The following CCBE1 variants were observed in gnomAD, a reference collection of about 807,000 sequenced individuals.
The protein encoded by CCBE1 is collagen and calcium binding EGF domains 1.
CCBE1 carries 37 observed loss-of-function variants against 50.0 expected under a neutral mutation model. The observed-to-expected ratio is 0.74, with a 90% CI of 0.57 to 0.97. The LOEUF (loss-of-function observed/expected upper bound fraction) is 0.97. CCBE1 is among the 50% of genes least tolerant of loss of function. The pLI, the probability that CCBE1 is intolerant of heterozygous loss-of-function variation, is 0.00. For missense variants in CCBE1, 538 were observed against 523.8 expected, an observed-to-expected ratio of 1.03 and a Z score of -0.26; for synonymous variants, 234 against 203.7, an observed-to-expected ratio of 1.15 and a Z score of -1.27.
At chr18:59,495,790 G>C (rs1461855482) in intron 2 of CCBE1, among the ~76,000 whole-genome samples, 1 of 152,096 alleles carries the variant, frequency 6.6e-6, no homozygotes, top group Non-Finnish European at 1.5e-5. Flanking sequence ...GATGTACGAG[G>C]GGGCACTGCG....
At chr18:59,490,798 T>C (rs140207998) in intron 2 of CCBE1, among the ~76,000 whole-genome samples, 42 of 152,354 alleles carry the variant, frequency 2.8e-4, no homozygotes, top group African/African-American at 9.9e-4. Flanking sequence ...ATTTTACTTT[T>C]TTCACCTAAA....
chr18:59,566,706 T>C (rs939001436), intron 2 of CCBE1, among the ~76,000 whole-genome samples: 4 of 152,188 alleles, frequency 2.6e-5, no homozygotes, highest in Admixed American at 2.6e-4. Context: ...AATCCTCCTA[T>C]TAAGAAATAC....
In CCBE1 at chr18:59,542,916, C is replaced by G. The variant is rs538574666; in HGVS notation, c.213-62678G>C. On this transcript the variant is annotated intron_variant, in intron 2 of 10. Coordinates refer to ENST00000439986, the MANE Select transcript of CCBE1 (RefSeq NM_133459.4). ...GCTTCCCCCATGACTACTGAACTCT[C>G]GAACCCCACTAGGGATGAAGGCTGA... is the stretch of plus-strand genomic sequence containing the variant. 7.2e-5 allele frequency among the ~76,000 whole-genome samples: 11 copies of G among 152,318 alleles called. No homozygotes were observed. In the South Asian group the frequency reaches 2.3e-3, roughly 32 times the overall value.
intron 5 of CCBE1, among the ~76,000 whole-genome samples, chr18:59,459,849 AT>A (rs1378122022): frequency 6.6e-6 from 1 of 152,208 alleles, no homozygotes; most frequent in Non-Finnish European, 1.5e-5. Flanking sequence ...CAGTATCAGC[AT>A]TTTTAAAAAA....
At chr18:59,481,293 G>GA (rs1002458720) in intron 2 of CCBE1, among the ~76,000 whole-genome samples, 8 of 151,142 alleles carry the variant, frequency 5.3e-5, no homozygotes, top group African/African-American at 2.0e-4. Flanking sequence ...GAAGGAAAGA[G>GA]AAAAAAAGAC....
rs186732478 is a variant in CCBE1 at position 59,434,458 on chromosome 18, A to C, written c.*1450T>G. ...ATTGGAAACAAGAGGGCCCTCAACA[A>C]CGTTACAAAGGAGCAGATCATCCTT... On this transcript the variant is annotated 3_prime_UTR_variant, in exon 11 of 11. Coordinates refer to ENST00000439986, the MANE Select transcript of CCBE1 (RefSeq NM_133459.4). The C allele has an allele frequency of 6.6e-6, 1 of 152,268 alleles. No homozygotes were observed. Among genetic ancestry groups the C allele is most frequent in the African/African-American group, 2.4e-5 (1 of 41,540 alleles). 9.4% of individuals were successfully genotyped at this position (152,268 alleles called of 1,614,324 possible).
intron 2 of CCBE1, among the ~76,000 whole-genome samples, chr18:59,675,070 A>G (rs2054481551): frequency 6.6e-6 from 1 of 152,176 alleles, no homozygotes; most frequent in Non-Finnish European, 1.5e-5. Flanking sequence ...CAACATTGAA[A>G]CAGGATGGAT....
At chr18:59,481,933 C>T (rs1331294022) in intron 2 of CCBE1, among the ~76,000 whole-genome samples, 1 of 152,078 alleles carries the variant, frequency 6.6e-6, no homozygotes, top group Non-Finnish European at 1.5e-5. Flanking sequence ...ACATGTGCAG[C>T]GCGTGCAGGT....
chr18:59,493,010 T>A (rs553586570), intron 2 of CCBE1, among the ~76,000 whole-genome samples: 2 of 152,234 alleles, frequency 1.3e-5, no homozygotes, highest in South Asian at 4.1e-4. Flanking sequence ...GCGCTCGGCC[T>A]TTCTGCTGCA....
intron 2 of CCBE1, among the ~76,000 whole-genome samples, chr18:59,501,669 A>C (rs1399991860): frequency 6.6e-6 from 1 of 152,166 alleles, no homozygotes; most frequent in Non-Finnish European, 1.5e-5. Flanking sequence ...TGGTCTCAGG[A>C]TATTTTAGGA....
chr18:59,648,757 A>G (rs1174385333), intron 2 of CCBE1, among the ~76,000 whole-genome samples: 1 of 152,214 alleles, frequency 6.6e-6, no homozygotes, highest in Non-Finnish European at 1.5e-5. Context: ...CTTTTGGTGC[A>G]CAGAGACCAA....
Position 59,637,026 on chromosome 18 carries a change from C to A in CCBE1, c.212+59603G>T, listed in dbSNP as rs540553950. ...GGTAAAATTCTACAAGTTTTTGAAG[C>A]AGAATTTTCAGCAAATGCTGGAACT... On this transcript the variant is annotated intron_variant, in intron 2 of 10. Transcript: ENST00000439986. Among the ~76,000 whole-genome samples, 6 of 152,250 alleles carry A rather than the reference C, an allele frequency of 3.9e-5. No homozygotes were observed. In the East Asian group the frequency reaches 1.2e-3, roughly 29 times the overall value.
At chr18:59,503,653 A>G (rs1196538373) in intron 2 of CCBE1, among the ~76,000 whole-genome samples, 1 of 152,142 alleles carries the variant, frequency 6.6e-6, no homozygotes, top group Non-Finnish European at 1.5e-5. Flanking sequence ...TCTGCCTCCA[A>G]TCTTGTTTCC....
chr18:59,604,818 A>C (rs1327597213), intron 2 of CCBE1, among the ~76,000 whole-genome samples: 1 of 152,256 alleles, frequency 6.6e-6, no homozygotes, highest in Admixed American at 6.5e-5. Flanking sequence ...AATGTACTTT[A>C]ATAAACAAAT....
intron 4 of CCBE1, among the ~76,000 whole-genome samples, chr18:59,468,243 G>A (rs1285801276): frequency 6.6e-6 from 1 of 152,126 alleles, no homozygotes; most frequent in South Asian, 2.1e-4. Flanking sequence ...AAATTAGCTG[G>A]GTGTAGTGGC....
At chr18:59,618,103 G>A (rs1286199444) in intron 2 of CCBE1, among the ~76,000 whole-genome samples, 2 of 152,108 alleles carry the variant, frequency 1.3e-5, no homozygotes, top group African/African-American at 2.4e-5. Context: ...CCCCCATAAC[G>A]ATGGATTAAC....
intron 3 of CCBE1, among the ~76,000 whole-genome samples, chr18:59,470,954 A>C (rs1371320818): frequency 6.6e-6 from 1 of 152,206 alleles, no homozygotes; most frequent in Non-Finnish European, 1.5e-5. Flanking sequence ...TTGTGATTTC[A>C]GGCCTGCTTT....
At chr18:59,687,645 T>A (rs2144742735) in intron 2 of CCBE1, among the ~76,000 whole-genome samples, 1 of 152,208 alleles carries the variant, frequency 6.6e-6, no homozygotes, top group South Asian at 2.1e-4. Context: ...ACAAAACAGC[T>A]GGTGTTAAAA....
At position 59,434,120 on chromosome 18, in the gene CCBE1, C is replaced by T. The variant is rs1368292850; in HGVS notation, c.*1788G>A. 3.3e-5 allele frequency: 5 copies of T among 152,018 alleles called. No individual in the cohort carries two copies. The highest frequency in any genetic ancestry group is 2.9e-5 in the Non-Finnish European group (2 of 68,048). The allele number at this position is 152,018 out of a possible 1,614,324, so 9.4% of individuals were successfully genotyped here. Reference sequence around the variant, plus strand: ...GGTCAGGCTGGTCTCGATCTCCTGACCTTGTGATCTCCCCGCCTCAGCCTC... The same window carrying T: ...GGTCAGGCTGGTCTCGATCTCCTGATCTTGTGATCTCCCCGCCTCAGCCTC... On this transcript the variant is annotated 3_prime_UTR_variant, in exon 11 of 11. Coordinates refer to ENST00000439986, the MANE Select transcript of CCBE1 (RefSeq NM_133459.4).
Sources: allele counts gnomAD v4.1 joint callset (sites outside exome capture counted in the v4.1 genomes callset), GRCh38; gene constraint gnomAD v4.1.1; transcripts MANE v1.5; gene names NCBI Gene and HGNC (gene_info 2026-07-23, HGNC 2026-07-21).